MYO5B: variants seen among roughly 807,000 people sequenced by gnomAD.
The protein encoded by MYO5B is unconventional myosin-Vb.
In MYO5B, 143 loss-of-function variants were observed where a neutral mutation model predicts 229.3. The observed-to-expected ratio is 0.62, with a 90% CI of 0.54 to 0.72. The LOEUF is 0.72. MYO5B is among the 30% of genes least tolerant of loss of function. MYO5B has a pLI of 0.00. For missense variants in MYO5B, 2,321 were observed against 2,331.0 expected (o/e 1.00, Z 0.09); for synonymous variants, 918 against 885.2 (o/e 1.04, Z -0.66).
intron 22 of MYO5B, among the ~76,000 whole-genome samples, chr18:49,892,602 T>C (rs961246463): frequency 3.3e-5 from 5 of 152,168 alleles, no homozygotes; most frequent in African/African-American, 4.8e-5. Flanking sequence ...AGGAAACCAA[T>C]TGTCTGATTA....
At chr18:49,904,607 T>C in intron 20 of MYO5B, 65 bp downstream of exon 20, 1 of 1,599,478 alleles carries the variant, frequency 6.3e-7, no homozygotes, top group Non-Finnish European at 8.6e-7. Flanking sequence ...ACGTTGGCAG[T>C]AATTCATCTG....
intron 2 of MYO5B, among the ~76,000 whole-genome samples, chr18:50,043,550 ATG>A (rs2030125086): frequency 7.9e-6 from 1 of 126,268 alleles, no homozygotes; most frequent in South Asian, 2.2e-4. Context: ...ATAAATATAA[ATG>A]TATTTATAAG....
intron 4 of MYO5B, among the ~76,000 whole-genome samples, chr18:50,027,481 T>C (rs565665016): frequency 6.6e-6 from 1 of 152,206 alleles, no homozygotes; most frequent in East Asian, 1.9e-4. Flanking sequence ...ACACCTTAAG[T>C]GAAGGAGCTT....
intron 2 of MYO5B, among the ~76,000 whole-genome samples, chr18:50,044,908 G>A (rs1184938745): frequency 2.0e-5 from 3 of 152,070 alleles, no homozygotes; most frequent in Non-Finnish European, 4.4e-5. Context: ...GGGGAAAAAG[G>A]AGGGAGAGGG....
At chr18:49,920,049 A>T (rs1157381606) in intron 17 of MYO5B, among the ~76,000 whole-genome samples, 3 of 152,370 alleles carry the variant, frequency 2.0e-5, no homozygotes, top group Admixed American at 6.5e-5. Flanking sequence ...GAGTGAAAAG[A>T]GCCAGACACA....
intron 4 of MYO5B, among the ~76,000 whole-genome samples, chr18:50,024,171 G>A (rs1205174306): frequency 3.3e-5 from 5 of 152,240 alleles, no homozygotes; most frequent in African/African-American, 4.8e-5. Context: ...GACCCAGTGC[G>A]GAAGCAGAAA....
At chr18:50,016,545 T>A (rs1236246471) in intron 4 of MYO5B, among the ~76,000 whole-genome samples, 1 of 152,206 alleles carries the variant, frequency 6.6e-6, no homozygotes, top group Non-Finnish European at 1.5e-5. Flanking sequence ...TGTCACAATC[T>A]CACTTTATCC....
At chr18:49,947,298 G>A (rs1361176825) in intron 14 of MYO5B, among the ~76,000 whole-genome samples, 1 of 151,714 alleles carries the variant, frequency 6.6e-6, no homozygotes, top group African/African-American at 2.4e-5. Context: ...GTAGAGATGG[G>A]GTTTCGCCAT....
At chr18:50,020,563 C>T (rs1212865412) in intron 4 of MYO5B, among the ~76,000 whole-genome samples, 3 of 152,214 alleles carry the variant, frequency 2.0e-5, no homozygotes, top group African/African-American at 7.2e-5. Context: ...TCCTTCTCAA[C>T]AGCATGTTCA....
intron 17 of MYO5B, among the ~76,000 whole-genome samples, chr18:49,921,291 T>C (rs1256953912): frequency 6.7e-6 from 1 of 150,308 alleles, no homozygotes; most frequent in Non-Finnish European, 1.5e-5. Flanking sequence ...AATATCAACA[T>C]TTGTACATTC....
At chr18:50,059,970 G>C (rs1246145215) in intron 1 of MYO5B, among the ~76,000 whole-genome samples, 1 of 152,192 alleles carries the variant, frequency 6.6e-6, no homozygotes, top group East Asian at 1.9e-4. Flanking sequence ...TAAGAAGGGA[G>C]AGACAAGACC....
chr18:49,877,233 C>T (rs28521289), intron 25 of MYO5B, among the ~76,000 whole-genome samples: 28,996 of 152,076 alleles, frequency 0.19, 2,985 homozygotes, highest in East Asian at 0.41. Flanking sequence ...CCACACAGTC[C>T]ACTGTGTGGT....
intron 29 of MYO5B, among the ~76,000 whole-genome samples, chr18:49,862,051 G>C (rs960800666): frequency 6.8e-6 from 1 of 147,414 alleles, no homozygotes; most frequent in South Asian, 2.2e-4. Context: ...AGGGTGGAGT[G>C]CAATGGCATG....
chr18:50,005,800 G>A (rs1373476555), intron 4 of MYO5B, among the ~76,000 whole-genome samples: 2 of 152,086 alleles, frequency 1.3e-5, no homozygotes, highest in Non-Finnish European at 2.9e-5. Flanking sequence ...CACCACTGCC[G>A]TTTCTGGTAT....
At chr18:49,965,895 G>A (rs1377254156) in intron 10 of MYO5B, among the ~76,000 whole-genome samples, 1 of 152,232 alleles carries the variant, frequency 6.6e-6, no homozygotes. Flanking sequence ...CGAGGTAATA[G>A]CGATGGACAC....
chr18:50,150,504 TA>T (rs1301839606), intron 1 of MYO5B, among the ~76,000 whole-genome samples: 7 of 147,434 alleles, frequency 4.7e-5, no homozygotes, highest in African/African-American at 1.5e-4. Context: ...TATGCAGCCA[TA>T]AAAAATGATG....
chr18:50,113,714 T>C (rs987749194), intron 1 of MYO5B, among the ~76,000 whole-genome samples: 1 of 152,164 alleles, frequency 6.6e-6, no homozygotes, highest in Non-Finnish European at 1.5e-5. Context: ...CATGGCAGAG[T>C]CCATCAGTGA....
At chr18:50,089,077 G>C (rs1913837890) in intron 1 of MYO5B, among the ~76,000 whole-genome samples, 1 of 152,056 alleles carries the variant, frequency 6.6e-6, no homozygotes, top group Non-Finnish European at 1.5e-5. Flanking sequence ...AGTTTATCTG[G>C]AGCTCAAGTT....
At chr18:49,973,000 C>T (rs2025707185) in intron 10 of MYO5B, among the ~76,000 whole-genome samples, 1 of 152,122 alleles carries the variant, frequency 6.6e-6, no homozygotes, top group Non-Finnish European at 1.5e-5. Context: ...TTTCCATATT[C>T]TTCCCCTGTT....
Sources: allele counts gnomAD v4.1 joint callset (sites outside exome capture counted in the v4.1 genomes callset), GRCh38; gene constraint gnomAD v4.1.1; transcripts MANE v1.5; gene names NCBI Gene and HGNC (gene_info 2026-07-23, HGNC 2026-07-21).